PRKCZ: variants seen among roughly 807,000 people sequenced by gnomAD.
PRKCZ encodes the protein protein kinase C zeta type.
In PRKCZ, 33 loss-of-function variants were observed where a neutral mutation model predicts 79.5. The observed-to-expected ratio is 0.41, with a 90% CI of 0.31 to 0.55. PRKCZ has a LOEUF of 0.55. PRKCZ is among the 20% of genes least tolerant of loss of function. The pLI is 0.19. For missense variants in PRKCZ, 578 were observed against 813.5 expected (o/e 0.71, Z 3.52); for synonymous variants, 342 against 320.9 (o/e 1.07, Z -0.70).
intron 4 of PRKCZ, among the ~76,000 whole-genome samples, chr1:2,092,562 G>A (rs569627843): frequency 6.6e-6 from 1 of 152,346 alleles, no homozygotes; most frequent in Admixed American, 6.5e-5. Context: ...AAGGAGCAGT[G>A]GGGCCAGGTG....
At position 2,077,778 on chromosome 1, in the gene PRKCZ, G is replaced by A. The variant is rs556108617; in HGVS notation, c.334+18187G>A. Among the ~76,000 whole-genome samples, 26 of 152,148 alleles carry A rather than the reference G, an allele frequency of 1.7e-4. 3 individuals are homozygous for A. In the South Asian group the frequency reaches 4.8e-3, roughly 28 times the overall value. ...CACATTTCTGCTGCTATTTCTAGTC[G>A]TTTCCATTTAGGATGTTACTTCCCT... On this transcript the variant is annotated intron_variant, in intron 4 of 17. Coordinates refer to ENST00000378567, the MANE Select transcript of PRKCZ (RefSeq NM_002744.6).
intron 4 of PRKCZ, chr1:2,104,642 A>G (rs1055342464): frequency 7.8e-5 from 76 of 976,636 alleles, no homozygotes; most frequent in Non-Finnish European, 9.1e-5. Context: ...GGCAGGGAGC[A>G]TCCAGGGGAA....
chr1:2,100,372 C>G (rs1350775004), intron 4 of PRKCZ, among the ~76,000 whole-genome samples: 1 of 152,242 alleles, frequency 6.6e-6, no homozygotes, highest in African/African-American at 2.4e-5. Flanking sequence ...TCTGTCTGTC[C>G]CTGCCCAGAG....
At chr1:2,184,290 AC>A in intron 16 of PRKCZ, 1 of 365,110 alleles carries the variant, frequency 2.7e-6, no homozygotes, top group Non-Finnish European at 5.1e-6. Flanking sequence ...CTGAACAAGG[AC>A]CCCCCCAAGG....
At chr1:2,132,349 C>G (rs1231943328) in intron 4 of PRKCZ, among the ~76,000 whole-genome samples, 3 of 152,196 alleles carry the variant, frequency 2.0e-5, no homozygotes, top group Non-Finnish European at 4.4e-5. Flanking sequence ...GCTCCCGAGC[C>G]CAGGAGCGAG....
intron 8 of PRKCZ, among the ~76,000 whole-genome samples, chr1:2,150,293 G>T (rs951349912): frequency 6.6e-6 from 1 of 152,140 alleles, no homozygotes; most frequent in East Asian, 1.9e-4. Flanking sequence ...GTTCTTCCTC[G>T]GAGCGCCTTT....
chr1:2,178,953 C>G lies in PRKCZ; in HGVS notation c.1575+3640C>G, dbSNP rs1423876703. Among the ~76,000 whole-genome samples, 3 of 152,198 alleles carry G rather than the reference C, an allele frequency of 2.0e-5. No homozygotes were observed. Among genetic ancestry groups the G allele is most frequent in the Non-Finnish European group, 4.4e-5 (3 of 68,024 alleles). On this transcript the variant is annotated intron_variant, in intron 16 of 17. Transcript: ENST00000378567. This position sits in a 1 kb window ranked among gnomAD's most constrained non-coding sequence, Gnocchi z 4.3. The stretch of plus-strand genomic sequence containing the variant: ...AAAGCCGCCCCCTCCTTGCCTATCC[C>G]CAGCTGAACCAGCACCACTCAGGCA...
intron 10 of PRKCZ, among the ~76,000 whole-genome samples, chr1:2,162,206 A>G (rs1052681092): frequency 6.6e-6 from 1 of 152,154 alleles, no homozygotes; most frequent in African/African-American, 2.4e-5. Context: ...ATCTTGGCTC[A>G]CTGCAACCTC....
chr1:2,085,957 C>A (rs1406031332), intron 4 of PRKCZ, among the ~76,000 whole-genome samples: 1 of 152,158 alleles, frequency 6.6e-6, no homozygotes, highest in Non-Finnish European at 1.5e-5. Context: ...TGGCATCATC[C>A]CAGGAGTAAG....
At chr1:2,102,396 A>G (rs545615817) in intron 4 of PRKCZ, among the ~76,000 whole-genome samples, 74 of 151,338 alleles carry the variant, frequency 4.9e-4, no homozygotes, top group Admixed American at 4.1e-3. Flanking sequence ...GCAGTGGTGC[A>G]ATCTTGGCTC....
chr1:2,103,520 G>A (rs1056341439), intron 4 of PRKCZ, among the ~76,000 whole-genome samples: 1 of 152,150 alleles, frequency 6.6e-6, no homozygotes, highest in Non-Finnish European at 1.5e-5. Flanking sequence ...GCCCAAAGAA[G>A]CCCTCCAAGC....
upstream of PRKCZ, chr1:2,049,648 GC>G (rs1479516180): frequency 3.3e-5 from 5 of 152,432 alleles, no homozygotes; most frequent in Admixed American, 3.3e-4. Flanking sequence ...TTCAGTGGAT[GC>G]AGCCAGTAAG....
In PRKCZ at chr1:2,127,745, C is replaced by T. The variant is rs1674226912; in HGVS notation, c.335-7517C>T. Among the ~76,000 whole-genome samples the T allele has an allele frequency of 6.6e-6, 1 of 152,188 alleles. No individual in the cohort carries two copies. The highest frequency in any genetic ancestry group is 6.5e-5 in the Admixed American group (1 of 15,276). On this transcript the variant is annotated intron_variant, in intron 4 of 17. Coordinates refer to ENST00000378567, the MANE Select transcript of PRKCZ (RefSeq NM_002744.6). This position sits in a 1 kb window ranked among gnomAD's most constrained non-coding sequence, Gnocchi z 5.1. ...TCTGCGTTCGTGTTCTCCATTGTCC[C>T]TGGCAGCCCCTGGCCAGGGTGGCCC...
chr1:2,099,848 G>T (rs1317536248), intron 4 of PRKCZ, among the ~76,000 whole-genome samples: 1 of 152,200 alleles, frequency 6.6e-6, no homozygotes, highest in Admixed American at 6.5e-5. Flanking sequence ...CAGATCACTC[G>T]CAAGGAATGG....
At chr1:2,104,494 G>C (rs1418355338) in intron 4 of PRKCZ, among the ~76,000 whole-genome samples, 1 of 152,170 alleles carries the variant, frequency 6.6e-6, no homozygotes, top group African/African-American at 2.4e-5. Context: ...GTGTTCTAGA[G>C]GAGTGAGGGG....
At chr1:2,117,257 C>T (rs1293933106) in intron 4 of PRKCZ, among the ~76,000 whole-genome samples, 1 of 152,124 alleles carries the variant, frequency 6.6e-6, no homozygotes, top group Non-Finnish European at 1.5e-5. Flanking sequence ...GCCTTAAATT[C>T]TTTCAATAAT....
chr1:2,134,408 A>G (rs1675733268), intron 4 of PRKCZ, among the ~76,000 whole-genome samples: 1 of 152,172 alleles, frequency 6.6e-6, no homozygotes, highest in Non-Finnish European at 1.5e-5. Flanking sequence ...TAAAAGCACA[A>G]AGCTTCCCAT....
At chr1:2,124,872 C>T (rs1195010693) in intron 4 of PRKCZ, among the ~76,000 whole-genome samples, 3 of 152,124 alleles carry the variant, frequency 2.0e-5, no homozygotes, top group Admixed American at 6.6e-5. Flanking sequence ...GCCTCCAACG[C>T]GGTTTTTACT....
At chr1:2,090,312 T>G (rs1665269463) in intron 4 of PRKCZ, among the ~76,000 whole-genome samples, 1 of 152,172 alleles carries the variant, frequency 6.6e-6, no homozygotes, top group Non-Finnish European at 1.5e-5. Flanking sequence ...GTCCTTGTAG[T>G]CAGCTGCACC....
Sources: gnomAD v4.1 joint callset for allele counts (sites outside exome capture counted in the v4.1 genomes callset) on GRCh38, gnomAD v4.1.1 for gene constraint, Gnocchi (gnomAD v3.1) non-coding constraint, MANE v1.5 for transcripts, NCBI Gene and HGNC (gene_info 2026-07-23, HGNC 2026-07-21) for gene names.